SGCE: variants seen among roughly 807,000 people sequenced by gnomAD.
SGCE encodes sarcoglycan epsilon, also known as epsilon-sarcoglycan.
In SGCE, 26 loss-of-function variants were observed where a neutral mutation model predicts 57.8. The observed-to-expected ratio is 0.45, with a 90% CI of 0.33 to 0.62. The LOEUF (loss-of-function observed/expected upper bound fraction) is 0.62, where lower values mean the gene tolerates loss of function less well. Among genes scored for constraint, SGCE ranks in the 20% least tolerant of loss-of-function variants. SGCE has a pLI of 0.02. For missense variants in SGCE, 468 were observed against 548.6 expected, an observed-to-expected ratio of 0.85 and a Z score of 1.47; for synonymous variants, 183 against 189.5, an observed-to-expected ratio of 0.97 and a Z score of 0.28.
At chr7:94,629,900 T>A in intron 1 of SGCE, 59 bp from the exon 2 acceptor site, 1 of 1,596,076 alleles carries the variant, frequency 6.3e-7, no homozygotes. Context: ...ACGCCCTTGA[T>A]AATTCAGCTT....
At chr7:94,600,906 T>C (rs1475242753) in intron 6 of SGCE, 49 bp from the exon 7 acceptor site, 28 of 1,448,334 alleles carry the variant, frequency 1.9e-5, no homozygotes, top group Non-Finnish European at 2.6e-5. Flanking sequence ...TTGCAAACAT[T>C]ATGAGATTTT....
At chr7:94,600,276 C>G (rs1309168967) in intron 7 of SGCE, 1 of 227,520 alleles carries the variant, frequency 4.4e-6, no homozygotes, top group Non-Finnish European at 8.7e-6. Flanking sequence ...ACCATCACTT[C>G]TGATCAAACT....
chr7:94,644,667 A>T (rs920618185), intron 1 of SGCE: 3 of 1,282,254 alleles, frequency 2.3e-6, no homozygotes, highest in Non-Finnish European at 3.1e-6. Context: ...TTCATATTCC[A>T]CTGTAAGGGG....
At chr7:94,603,869 A>G (rs1345645164) in intron 5 of SGCE, among the ~76,000 whole-genome samples, 3 of 152,102 alleles carry the variant, frequency 2.0e-5, no homozygotes, top group Non-Finnish European at 4.4e-5. Context: ...TAAGTAATAC[A>G]TTTCACTTAA....
At chr7:94,590,996 AAACTC>A (rs772720679) in intron 9 of SGCE, 33 of 152,324 alleles carry the variant, frequency 2.2e-4, no homozygotes, top group Non-Finnish European at 3.8e-4. Flanking sequence ...GGGAAATAAT[AAACTC>A]AACTCTAACA....
intron 1 of SGCE, 56 bp downstream of exon 1, chr7:94,655,934 G>A (rs1362460496): frequency 2.6e-6 from 3 of 1,141,636 alleles, no homozygotes; most frequent in Non-Finnish European, 3.9e-6. Flanking sequence ...AGCGGGGGAG[G>A]GGGAGGCGGC....
chr7:94,602,045 C>A (rs982001095), intron 6 of SGCE, among the ~76,000 whole-genome samples: 2 of 152,050 alleles, frequency 1.3e-5, no homozygotes, highest in Admixed American at 6.6e-5. Flanking sequence ...AGGAGTATAT[C>A]ATTTTTTAAC....
rs138117190 is a variant in SGCE at position 94,653,037 on chromosome 7, T to C, written c.109+2953A>G. Among the ~76,000 whole-genome samples, 476 of 152,290 alleles carry C rather than the reference T, an allele frequency of 3.1e-3. 3 individuals are homozygous for C. Among genetic ancestry groups the C allele is most frequent in the African/African-American group, 0.01 (428 of 41,578 alleles). ...TGCATAGATCTATAGCAAATTGTCA[T>C]TAAAAAGGGATAAAATGTCCAAATA... On this transcript the variant is annotated intron_variant, in intron 1 of 10. Transcript: ENST00000648936.
In SGCE at chr7:94,598,872, T is replaced by C. The variant is rs759396645; in HGVS notation, c.1156A>G (p.Thr386Ala). 6.8e-6 allele frequency: 11 copies of C among 1,612,972 alleles called. No individual in the cohort carries two copies. Among genetic ancestry groups the C allele is most frequent in the Admixed American group, 1.7e-5 (1 of 60,016 alleles). ...KNREIAWPLS[T>A]LPVFHPVTGE... is the part of the protein sequence containing the mutation. ...GTCACAGGGTGGAACACAGGAAGCG[T>C]TGACAGGGGCCATGCTATCTCTCTA... Residue 386 changes from threonine (T) to alanine (A), a missense_variant, in exon 9 of 11, where the codon ACG (threonine) becomes GCG (alanine). Thr to Ala is a moderately conservative substitution (Grantham distance 58). Coordinates refer to ENST00000648936, the MANE Select transcript of SGCE (RefSeq NM_003919.3).
chr7:94,614,881 T>C (rs1801640996), intron 5 of SGCE, among the ~76,000 whole-genome samples: 1 of 152,052 alleles, frequency 6.6e-6, no homozygotes, highest in Non-Finnish European at 1.5e-5. Context: ...AAAGAAAAAA[T>C]GATAGAACTC....
intron 9 of SGCE, among the ~76,000 whole-genome samples, chr7:94,592,380 G>C (rs187147341): frequency 1.3e-5 from 2 of 152,104 alleles, no homozygotes; most frequent in Non-Finnish European, 2.9e-5. Flanking sequence ...ATACAGGAGC[G>C]GGGGGTCGAC....
chr7:94,622,172 C>T (rs1802893439), intron 4 of SGCE: 1 of 152,176 alleles, frequency 6.6e-6, no homozygotes, highest in Admixed American at 6.5e-5. Flanking sequence ...GGTGTTTGCT[C>T]ATTTGTTTTT....
intron 1 of SGCE, among the ~76,000 whole-genome samples, chr7:94,655,240 C>A (rs1208705201): frequency 1.3e-5 from 2 of 152,108 alleles, no homozygotes; most frequent in Non-Finnish European, 2.9e-5. Context: ...TAGCTGGGAG[C>A]CTTCAAAGCC....
At chr7:94,600,380 A>G (rs1799020226) in intron 7 of SGCE, 2 of 403,182 alleles carry the variant, frequency 5.0e-6, no homozygotes, top group South Asian at 2.6e-5. Flanking sequence ...TCTAGCCTCA[A>G]TTATTCTTGG....
Position 94,656,109 on chromosome 7 carries a change from G to C in SGCE, c.-11C>G. The stretch of plus-strand genomic sequence containing the variant: ...CCGGGGCAATTGCATTCTTGGCCTG[G>C]CTAGGCCGTCCGTCCTCGATTCTCC... On this transcript the variant is annotated 5_prime_UTR_variant, in exon 1 of 11. Transcript: ENST00000648936. The C allele has an allele frequency of 6.4e-7, 1 of 1,550,808 alleles. No individual in the cohort carries two copies. The highest frequency in any genetic ancestry group is 8.9e-7 in the Non-Finnish European group (1 of 1,122,482).
Position 94,585,496 on chromosome 7 carries a change from T to C in SGCE, c.*3A>G. The C allele has an allele frequency of 6.2e-7, 1 of 1,606,500 alleles. No homozygotes were observed. Among genetic ancestry groups the C allele is most frequent in the Non-Finnish European group, 8.5e-7 (1 of 1,173,180 alleles). On this transcript the variant is annotated 3_prime_UTR_variant, in exon 11 of 11. Coordinates refer to ENST00000648936, the MANE Select transcript of SGCE (RefSeq NM_003919.3). ...ATTCATTGCTTCAGTCAGTTTTCTTTCTTCAGGGATACCATTTACCTGCAA... is the reference window on the plus strand; with the variant it reads ...ATTCATTGCTTCAGTCAGTTTTCTTCCTTCAGGGATACCATTTACCTGCAA...
At chr7:94,623,737 C>CA (rs35685364) in intron 3 of SGCE, 5,479 of 316,198 alleles carry the variant, frequency 0.017, no homozygotes, top group Middle Eastern at 0.024. Context: ...TCTAAGATTT[C>CA]AAAAAAAAAA....
chr7:94,639,412 G>C, intron 1 of SGCE: 1 of 1,535,102 alleles, frequency 6.5e-7, no homozygotes, highest in Non-Finnish European at 8.7e-7. Context: ...CCAGTTAACT[G>C]TTCCATTTAT....
At chr7:94,618,095 C>T (rs1023878485) in intron 5 of SGCE, 1 of 152,194 alleles carries the variant, frequency 6.6e-6, no homozygotes. Flanking sequence ...TTCTTGACCT[C>T]CACAAGGTCA....
Sources: gnomAD v4.1 joint callset for allele counts (sites outside exome capture counted in the v4.1 genomes callset) on GRCh38, gnomAD v4.1.1 for gene constraint, MANE v1.5 for transcripts, NCBI Gene and HGNC (gene_info 2026-07-23, HGNC 2026-07-21) for gene names.